MRTFA: variants seen among roughly 807,000 people sequenced by gnomAD.
The protein encoded by MRTFA is myocardin-related transcription factor A.
MRTFA carries 20 observed loss-of-function variants against 83.5 expected under a neutral mutation model. That is an observed-to-expected ratio of 0.24 (90% CI 0.17 to 0.35). MRTFA has a LOEUF of 0.35. Ranked by LOEUF, MRTFA falls within the 10% of genes least tolerant of loss-of-function variation. The pLI, the probability that MRTFA is intolerant of heterozygous loss-of-function variation, is 1.00. For missense variants in MRTFA, 1,200 were observed against 1,224.7 expected (o/e 0.98, Z 0.30); for synonymous variants, 659 against 541.2 (o/e 1.22, Z -3.02).
At position 40,417,428 on chromosome 22, in the gene MRTFA, C is replaced by G; in HGVS notation, c.2430G>C (p.Leu810=). ...AAGTGGGGGTCCCAAAGAGGGGCTG[C>G]AGTGGGTGCTCCAGGTCCATCTGGG... Residue 810 remains leucine (L), a synonymous_variant, in exon 13 of 15, where the codon CTG becomes CTC. Transcript: ENST00000355630. 6.2e-7 allele frequency: 1 copy of G among 1,608,584 alleles called. No homozygotes were observed. The highest frequency in any genetic ancestry group is 8.5e-7 in the Non-Finnish European group (1 of 1,178,432).
intron 3 of MRTFA, among the ~76,000 whole-genome samples, chr22:40,514,823 G>A (rs550575601): frequency 6.6e-6 from 1 of 151,828 alleles, no homozygotes; most frequent in African/African-American, 2.4e-5. Context: ...TGCTCTTCAG[G>A]GAAACATTTC....
At chr22:40,599,672 G>A (rs2056234651) in intron 1 of MRTFA, among the ~76,000 whole-genome samples, 1 of 152,100 alleles carries the variant, frequency 6.6e-6, no homozygotes, top group Non-Finnish European at 1.5e-5. Context: ...GCAGAAGCGA[G>A]CGGACTGCTT....
intron 1 of MRTFA, among the ~76,000 whole-genome samples, chr22:40,616,142 G>C (rs1400843334): frequency 6.6e-6 from 1 of 152,092 alleles, no homozygotes; most frequent in African/African-American, 2.4e-5. Flanking sequence ...GCTTCTTTTT[G>C]AAAAGAAATC....
intron 14 of MRTFA, among the ~76,000 whole-genome samples, chr22:40,414,642 T>C (rs547600483): frequency 6.6e-6 from 1 of 152,294 alleles, no homozygotes; most frequent in South Asian, 2.1e-4. Context: ...AAACTGAGTC[T>C]ACTTCTGTGA....
rs759410849 is a variant in MRTFA, at chr22:40,431,497, C to A, written c.364-17G>T. On this transcript the variant is annotated splice_polypyrimidine_tract_variant and intron_variant, in intron 5 of 14. Transcript: ENST00000355630. ...GTCCTCTGTCTACAGAAAAAACACA[C>A]CAAGAAACTCTCAAATCCAGGTCAC... is the stretch of plus-strand genomic sequence containing the variant. 2 of 1,612,334 alleles carry A rather than the reference C, an allele frequency of 1.2e-6. No homozygotes were observed. Among genetic ancestry groups the A allele is most frequent in the South Asian group, 2.2e-5 (2 of 91,050 alleles).
chr22:40,436,120 A>C (rs955072531), intron 4 of MRTFA, among the ~76,000 whole-genome samples: 2 of 152,118 alleles, frequency 1.3e-5, no homozygotes, highest in African/African-American at 4.8e-5. Context: ...GGCTATATAA[A>C]GTGCACCCAT....
At chr22:40,598,996 CT>C (rs991496943) in intron 1 of MRTFA, among the ~76,000 whole-genome samples, 1 of 110,772 alleles carries the variant, frequency 9.0e-6, no homozygotes, top group African/African-American at 3.2e-5. Context: ...GAAACTCCAT[CT>C]AAAAAAAAAA....
rs116094558 is a variant in MRTFA, at chr22:40,464,036, T to C, written c.242-750A>G. 6.3e-3 allele frequency among the ~76,000 whole-genome samples: 957 copies of C among 152,190 alleles called. 9 individuals are homozygous for C. Among genetic ancestry groups the C allele is most frequent in the African/African-American group, 0.022 (916 of 41,494 alleles). ...ACTATCAGCCAGGCACAGTGGCTCA[T>C]GCCTACATGTAATCCCAGCACTTTG... On this transcript the variant is annotated intron_variant, in intron 3 of 14. Coordinates refer to ENST00000355630, the MANE Select transcript of MRTFA (RefSeq NM_020831.6).
At chr22:40,417,274 T>C (rs1259580764) in intron 13 of MRTFA, 67 bp downstream of exon 13, 20 of 1,554,610 alleles carry the variant, frequency 1.3e-5, no homozygotes, top group Non-Finnish European at 1.4e-5. Flanking sequence ...GGTGGGGCTG[T>C]AGGAGCCTCA....
chr22:40,448,362 T>TACTC (rs1400103050), intron 4 of MRTFA, among the ~76,000 whole-genome samples: 39 of 151,698 alleles, frequency 2.6e-4, no homozygotes, highest in African/African-American at 9.4e-4. Flanking sequence ...TGATCCCAGC[T>TACTC]ACTCGGGAGG....
chr22:40,450,973 C>T (rs1055739926), intron 4 of MRTFA, among the ~76,000 whole-genome samples: 1 of 152,138 alleles, frequency 6.6e-6, no homozygotes, highest in African/African-American at 2.4e-5. Flanking sequence ...GGCTCAGTAG[C>T]CTCATCTGCA....
chr22:40,505,536 G>A (rs983428238), intron 3 of MRTFA, among the ~76,000 whole-genome samples: 2 of 152,196 alleles, frequency 1.3e-5, no homozygotes, highest in Non-Finnish European at 2.9e-5. Context: ...TGTTCAATAA[G>A]TAATGCCATG....
chr22:40,417,529 G>C, intron 12 of MRTFA, 36 bp from the exon 13 acceptor site: 1 of 1,348,032 alleles, frequency 7.4e-7, no homozygotes, highest in South Asian at 1.2e-5. Context: ...CAGTGGCCAG[G>C]GGGCTGGGGG....
rs531480110 is a variant in MRTFA at position 40,634,076 on chromosome 22, A to G, written c.-84+2402T>C. Among the ~76,000 whole-genome samples, 9 of 151,952 alleles carry G rather than the reference A, an allele frequency of 5.9e-5. No individual in the cohort carries two copies. In the South Asian group the frequency reaches 1.9e-3, roughly 32 times the overall value. ...CCTTCCTGGGGCTTATAACTGGTAT[A>G]TCAGAAGATTTATCAGGATTTTTTT... is the stretch of plus-strand genomic sequence containing the variant. On this transcript the variant is annotated intron_variant, in intron 1 of 14. Transcript: ENST00000355630.
rs149398283 is a variant in MRTFA, at chr22:40,418,482, C to T, written c.2256G>A (p.Gly752=). The T allele has an allele frequency of 2.5e-6, 4 of 1,612,720 alleles. No individual in the cohort carries two copies. The highest frequency in any genetic ancestry group is 1.3e-5 in the African/African-American group (1 of 74,982). The change falls in exon 12 of 15, where the codon GGG becomes GGA. Residue 752 remains glycine, a synonymous_variant. Transcript: ENST00000355630. ...CGGTGATGAGGGTGGGAGGTGCAAC[C>T]CCCTTGATGAGGCTGGGGCCCTGAG...
chr22:40,491,074 G>A (rs950040926), intron 3 of MRTFA, among the ~76,000 whole-genome samples: 1 of 152,192 alleles, frequency 6.6e-6, no homozygotes, highest in Admixed American at 6.5e-5. Context: ...CGAGCACGGT[G>A]GCTCACACCT....
chr22:40,586,143 A>G (rs1421671055), intron 2 of MRTFA, among the ~76,000 whole-genome samples: 1 of 152,162 alleles, frequency 6.6e-6, no homozygotes, highest in Non-Finnish European at 1.5e-5. Context: ...AGTTGAGAGT[A>G]ATTATTTTTT....
At chr22:40,560,885 G>A (rs2055603996) in intron 2 of MRTFA, among the ~76,000 whole-genome samples, 1 of 152,168 alleles carries the variant, frequency 6.6e-6, no homozygotes, top group Admixed American at 6.5e-5. Flanking sequence ...AAATGTGTTA[G>A]AAGAATGGAA....
At chr22:40,543,911 C>A (rs917394993) in intron 3 of MRTFA, among the ~76,000 whole-genome samples, 2 of 152,160 alleles carry the variant, frequency 1.3e-5, no homozygotes, top group Non-Finnish European at 2.9e-5. Context: ...GGTGGGAGGA[C>A]TTACTTCTCC....
Sources: allele counts gnomAD v4.1 joint callset (sites outside exome capture counted in the v4.1 genomes callset), GRCh38; gene constraint gnomAD v4.1.1; transcripts MANE v1.5; gene names NCBI Gene and HGNC (gene_info 2026-07-23, HGNC 2026-07-21).